The following ZNF804A variants were observed in gnomAD, a reference collection of about 807,000 sequenced individuals.
ZNF804A encodes the protein zinc finger protein 804A.
In ZNF804A, 2 loss-of-function variants were observed where a neutral mutation model predicts 16.5. That is an observed-to-expected ratio of 0.12 (90% CI 0.05 to 0.38). The LOEUF (loss-of-function observed/expected upper bound fraction) is 0.38, where lower values mean the gene tolerates loss of function less well. ZNF804A is among the 10% of genes least tolerant of loss of function. The pLI, the probability that ZNF804A is intolerant of heterozygous loss-of-function variation, is 0.99. For synonymous variants in ZNF804A, 534 were observed against 489.6 expected (o/e 1.09, Z -1.20); for missense variants, 1,473 against 1,390.7 (o/e 1.06, Z -0.94).
chr2:184,790,553 T>C (rs1694522461), intron 1 of ZNF804A, among the ~76,000 whole-genome samples: 2 of 152,014 alleles, frequency 1.3e-5, no homozygotes, highest in African/African-American at 4.8e-5. Flanking sequence ...TTAGGACAGC[T>C]AAATATTCTT....
chr2:184,782,709 A>G (rs1297562794), intron 1 of ZNF804A, among the ~76,000 whole-genome samples: 2 of 148,534 alleles, frequency 1.3e-5, no homozygotes, highest in East Asian at 2.0e-4. Flanking sequence ...ATATATATAT[A>G]TATCCTCTTA....
At chr2:184,731,128 G>A (rs1443144829) in intron 1 of ZNF804A, among the ~76,000 whole-genome samples, 1 of 151,426 alleles carries the variant, frequency 6.6e-6, no homozygotes, top group Non-Finnish European at 1.5e-5. Context: ...GCAGGCGCCT[G>A]TAATCCCAGC....
intron 1 of ZNF804A, among the ~76,000 whole-genome samples, chr2:184,730,473 C>T (rs1574184417): frequency 6.6e-6 from 1 of 152,122 alleles, no homozygotes; most frequent in Non-Finnish European, 1.5e-5. Context: ...AGGCATCTGC[C>T]ACTGTAGCAT....
chr2:184,689,608 A>C (rs1692697121), intron 1 of ZNF804A, among the ~76,000 whole-genome samples: 1 of 152,090 alleles, frequency 6.6e-6, no homozygotes, highest in Non-Finnish European at 1.5e-5. Flanking sequence ...TTAGGACTAC[A>C]AGATAATAGT....
chr2:184,836,801 C>T lies in ZNF804A; in HGVS notation c.112-29568C>T, dbSNP rs373180025. On this transcript the variant is annotated intron_variant, in intron 1 of 3. Transcript: ENST00000302277. ...TCTCTCTTTATATTGATATGGTTATCAATATAAATAACTGCAATCTCCTTA... is the reference window on the plus strand; with the variant it reads ...TCTCTCTTTATATTGATATGGTTATTAATATAAATAACTGCAATCTCCTTA... Among the ~76,000 whole-genome samples the T allele has an allele frequency of 3.6e-4, 54 of 151,702 alleles. No homozygotes were observed. In the East Asian group the frequency reaches 0.01, roughly 28 times the overall value.
chr2:184,773,102 G>C (rs767384943), intron 1 of ZNF804A, among the ~76,000 whole-genome samples: 65 of 149,822 alleles, frequency 4.3e-4, no homozygotes, highest in Non-Finnish European at 6.1e-4. Context: ...AAAATGTATT[G>C]AGTTATACTT....
intron 1 of ZNF804A, among the ~76,000 whole-genome samples, chr2:184,705,164 C>T (rs34494944): frequency 0.24 from 36,241 of 151,846 alleles, 6,399 homozygotes; most frequent in African/African-American, 0.5. Flanking sequence ...CTGATAGTTG[C>T]GATATTTTAG....
chr2:184,643,577 C>T (rs1439500587), intron 1 of ZNF804A, among the ~76,000 whole-genome samples: 1 of 151,838 alleles, frequency 6.6e-6, no homozygotes, highest in Admixed American at 6.6e-5. Context: ...TGTTTTCTGG[C>T]TTTTCCCATA....
intron 2 of ZNF804A, among the ~76,000 whole-genome samples, chr2:184,925,209 T>G (rs1685591856): frequency 6.6e-6 from 1 of 152,060 alleles, no homozygotes; most frequent in Non-Finnish European, 1.5e-5. Context: ...TAAATCTTGG[T>G]GCTTCAGTGT....
chr2:184,722,426 T>A (rs548415455), intron 1 of ZNF804A, among the ~76,000 whole-genome samples: 1 of 152,158 alleles, frequency 6.6e-6, no homozygotes, highest in South Asian at 2.1e-4. Context: ...GAAATGTGAA[T>A]ACATTACAAA....
intron 1 of ZNF804A, among the ~76,000 whole-genome samples, chr2:184,733,004 A>G (rs1418798679): frequency 1.3e-5 from 2 of 152,056 alleles, no homozygotes; most frequent in Non-Finnish European, 2.9e-5. Flanking sequence ...CTTCCTTCCA[A>G]ATCAGTGTAT....
At chr2:184,898,815 G>C (rs996312685) in intron 2 of ZNF804A, among the ~76,000 whole-genome samples, 1 of 151,874 alleles carries the variant, frequency 6.6e-6, no homozygotes, top group Non-Finnish European at 1.5e-5. Flanking sequence ...GTACTTCCAT[G>C]TTTAGTCATT....
chr2:184,637,245 G>A (rs984279488), intron 1 of ZNF804A, among the ~76,000 whole-genome samples: 1 of 152,094 alleles, frequency 6.6e-6, no homozygotes, highest in African/African-American at 2.4e-5. Context: ...TAGTAAACGA[G>A]GAGCAGATGA....
intron 1 of ZNF804A, among the ~76,000 whole-genome samples, chr2:184,710,621 A>G (rs1245411743): frequency 6.6e-6 from 1 of 151,756 alleles, no homozygotes; most frequent in Non-Finnish European, 1.5e-5. Context: ...GAACTTATTC[A>G]TCTTGTAAAA....
chr2:184,930,552 T>C (rs1459184333), intron 2 of ZNF804A, among the ~76,000 whole-genome samples: 1 of 152,164 alleles, frequency 6.6e-6, no homozygotes, highest in South Asian at 2.1e-4. Context: ...ATATTAGAGA[T>C]CATTTTAAGC....
At chr2:184,688,557 C>A (rs565798556) in intron 1 of ZNF804A, among the ~76,000 whole-genome samples, 1 of 152,034 alleles carries the variant, frequency 6.6e-6, no homozygotes, top group Non-Finnish European at 1.5e-5. Flanking sequence ...GCCATTCTTA[C>A]CTATTTTACT....
intron 1 of ZNF804A, among the ~76,000 whole-genome samples, chr2:184,708,114 T>A (rs1378691706): frequency 6.6e-6 from 1 of 152,116 alleles, no homozygotes; most frequent in African/African-American, 2.4e-5. Flanking sequence ...TTATGTTTTG[T>A]ACATACTTCT....
At chr2:184,663,812 C>G (rs980429324) in intron 1 of ZNF804A, among the ~76,000 whole-genome samples, 9 of 152,176 alleles carry the variant, frequency 5.9e-5, no homozygotes, top group Non-Finnish European at 1.3e-4. Context: ...TAGATTATAG[C>G]CCTCGTATGA....
At chr2:184,608,514 G>T (rs1691186613) in intron 1 of ZNF804A, among the ~76,000 whole-genome samples, 1 of 152,146 alleles carries the variant, frequency 6.6e-6, no homozygotes, top group African/African-American at 2.4e-5. Context: ...TGTGTTTTTG[G>T]TAATGTATGT....
Sources: gnomAD v4.1 joint callset for allele counts (sites outside exome capture counted in the v4.1 genomes callset) on GRCh38, gnomAD v4.1.1 for gene constraint, MANE v1.5 for transcripts, NCBI Gene and HGNC (gene_info 2026-07-23, HGNC 2026-07-21) for gene names.